The following CAST variants were observed in gnomAD, a reference collection of about 807,000 sequenced individuals.
CAST encodes MIR583 host.
Under a neutral mutation model 119.6 loss-of-function variants are expected in CAST, and 76 were observed. The observed-to-expected ratio is 0.64, with a 90% CI of 0.53 to 0.77. The LOEUF (loss-of-function observed/expected upper bound fraction) is 0.77. Ranked by LOEUF, CAST falls within the 30% of genes least tolerant of loss-of-function variation. The pLI, the probability that CAST is intolerant of heterozygous loss-of-function variation, is 0.00. For missense variants in CAST, 953 were observed against 946.5 expected (o/e 1.01, Z -0.09); for synonymous variants, 319 against 331.6 (o/e 0.96, Z 0.41).
chr5:96,003,232 T>G, the CAST span, among the ~76,000 whole-genome samples: 1 of 151,698 alleles, frequency 6.6e-6, no homozygotes, highest in Non-Finnish European at 1.5e-5. Context: ...AGAGCAAGAT[T>G]CTGTCTCTTA....
chr5:96,731,157 A>G (rs1760397632), intron 9 of CAST, among the ~76,000 whole-genome samples: 1 of 152,256 alleles, frequency 6.6e-6, no homozygotes, highest in Non-Finnish European at 1.5e-5. Flanking sequence ...ATGTATAGAT[A>G]TGAAATAAAG....
chr5:96,610,975 G>A (rs553252178), intron 1 of CAST, among the ~76,000 whole-genome samples: 1 of 152,052 alleles, frequency 6.6e-6, no homozygotes, highest in Non-Finnish European at 1.5e-5. Flanking sequence ...ACCGTGGAGG[G>A]GAAAGATGTC....
the CAST span, among the ~76,000 whole-genome samples, chr5:95,977,130 G>C: frequency 6.6e-6 from 1 of 152,180 alleles, no homozygotes; most frequent in Non-Finnish European, 1.5e-5. Flanking sequence ...GACTTTCTTA[G>C]TACATTTCTG....
chr5:96,308,535 T>A, the CAST span, among the ~76,000 whole-genome samples: 1 of 151,982 alleles, frequency 6.6e-6, no homozygotes, highest in Admixed American at 6.6e-5. Flanking sequence ...AGAGGAGGCG[T>A]TCTGGTTTTT....
chr5:95,990,898 C>T, the CAST span, among the ~76,000 whole-genome samples: 745 of 152,086 alleles, frequency 4.9e-3, 4 homozygotes, highest in African/African-American at 0.017. Flanking sequence ...GCCACCACAC[C>T]GAGCCCATTT....
the CAST span, among the ~76,000 whole-genome samples, chr5:96,401,913 A>G: frequency 6.6e-5 from 10 of 152,190 alleles, no homozygotes; most frequent in Non-Finnish European, 1.2e-4. Flanking sequence ...AGCCCCAAAT[A>G]TAATTTTAAA....
the CAST span, among the ~76,000 whole-genome samples, chr5:96,103,018 G>A: frequency 6.6e-6 from 1 of 151,910 alleles, no homozygotes; most frequent in African/African-American, 2.4e-5. Context: ...TGATCTAAGG[G>A]TTTAGGAGAA....
chr5:96,446,693 G>A, the CAST span, among the ~76,000 whole-genome samples: 3 of 152,194 alleles, frequency 2.0e-5, no homozygotes, highest in Admixed American at 6.5e-5. Flanking sequence ...CTTTTGAGCA[G>A]CAAGAAGCCC....
chr5:96,125,109 CAA>C, the CAST span, among the ~76,000 whole-genome samples: 9 of 152,148 alleles, frequency 5.9e-5, no homozygotes, highest in Admixed American at 2.0e-4. Flanking sequence ...CATACCTTAC[CAA>C]ATGAGACTCT....
chr5:96,587,855 G>A (rs1307139105), intron 1 of CAST, among the ~76,000 whole-genome samples: 1 of 152,182 alleles, frequency 6.6e-6, no homozygotes, highest in Non-Finnish European at 1.5e-5. Context: ...TGGAAGCTCT[G>A]CTTAACTGTT....
Position 96,727,548 on chromosome 5 carries a change from GT to G in CAST, c.378+20del. On this transcript the variant is annotated intron_variant, in intron 6 of 31. Transcript: ENST00000675179. ...CAACCAAGGTAAATAGTTTAAGTCT[GT>G]TAGTTAGTTATTTGGATTCTTTTTA... 1 of 1,486,652 alleles carries G rather than the reference GT, an allele frequency of 6.7e-7. No individual in the cohort carries two copies. Among genetic ancestry groups the G allele is most frequent in the Non-Finnish European group, 9.2e-7 (1 of 1,086,302 alleles). The allele number at this position is 1,486,652 out of a possible 1,614,324, so 92.1% of individuals were successfully genotyped here.
At chr5:96,364,326 T>C in the CAST span, among the ~76,000 whole-genome samples, 8 of 152,334 alleles carry the variant, frequency 5.3e-5, no homozygotes, top group Admixed American at 3.3e-4. Context: ...GGCTTTGGTA[T>C]CAGGATGATG....
upstream of CAST, among the ~76,000 whole-genome samples, chr5:96,659,008 A>G (rs1748203287): frequency 6.6e-6 from 1 of 152,160 alleles, no homozygotes; most frequent in Non-Finnish European, 1.5e-5. Context: ...TCTTTCAAGT[A>G]TATATTTATA....
the CAST span, among the ~76,000 whole-genome samples, chr5:96,293,625 T>C: frequency 3.9e-5 from 6 of 152,032 alleles, no homozygotes; most frequent in African/African-American, 1.2e-4. Flanking sequence ...GGTTCCTCTT[T>C]CTTCTCCTTC....
the CAST span, among the ~76,000 whole-genome samples, chr5:96,239,343 A>G: frequency 4.9e-4 from 74 of 152,112 alleles, no homozygotes; most frequent in Middle Eastern, 3.4e-3. Flanking sequence ...ATTGCCTGTG[A>G]TTATTCTTTA....
chr5:96,342,904 C>A, the CAST span, among the ~76,000 whole-genome samples: 4 of 152,120 alleles, frequency 2.6e-5, no homozygotes, highest in African/African-American at 7.2e-5. Flanking sequence ...TAAGTTGATT[C>A]CATTGCCATT....
At chr5:96,316,156 G>A in the CAST span, among the ~76,000 whole-genome samples, 1 of 152,196 alleles carries the variant, frequency 6.6e-6, no homozygotes, top group Non-Finnish European at 1.5e-5. Context: ...CCAGAATAGT[G>A]AATATAAACA....
chr5:96,600,087 T>C (rs1747123149), intron 1 of CAST, among the ~76,000 whole-genome samples: 1 of 152,082 alleles, frequency 6.6e-6, no homozygotes, highest in Non-Finnish European at 1.5e-5. Context: ...GTACTGGTAG[T>C]GGTTTGATTA....
the CAST span, among the ~76,000 whole-genome samples, chr5:96,517,656 T>C: frequency 1.3e-5 from 2 of 152,194 alleles, no homozygotes; most frequent in Admixed American, 6.5e-5. Context: ...TCTGTGCTCA[T>C]TATTGCTCCA....
Sources: allele counts gnomAD v4.1 joint callset (sites outside exome capture counted in the v4.1 genomes callset), GRCh38; gene constraint gnomAD v4.1.1; transcripts MANE v1.5; gene names NCBI Gene and HGNC (gene_info 2026-07-23, HGNC 2026-07-21).